WDR49: variants seen among roughly 807,000 people sequenced by gnomAD.
The protein encoded by WDR49 is cilia- and flagella-associated protein 337.
WDR49 carries 107 observed loss-of-function variants against 119.5 expected under a neutral mutation model. The ratio of observed to expected loss-of-function variants is 0.90; its 90% CI spans 0.77 to 1.05. The LOEUF (loss-of-function observed/expected upper bound fraction) is 1.05, where lower values mean the gene tolerates loss of function less well. Among genes scored for constraint, WDR49 ranks in the 50% least tolerant of loss-of-function variants. The pLI is 0.00. For missense variants in WDR49, 1,240 were observed against 1,220.5 expected (o/e 1.02, Z -0.24); for synonymous variants, 425 against 418.8 (o/e 1.01, Z -0.18).
In WDR49 at chr3:167,634,355, A is replaced by T. The variant is rs146165233; in HGVS notation, c.166-7063T>A. Among the ~76,000 whole-genome samples the T allele has an allele frequency of 2.1e-3, 323 of 152,086 alleles. 1 individual carries two copies. The highest frequency in any genetic ancestry group is 7.2e-3 in the African/African-American group (301 of 41,552). ...ACATCTATTTAACTGCTAAGAAAAT[A>T]ACCAGTTATTAAATTGTCTACAATT... On this transcript the variant is annotated intron_variant, in intron 2 of 18. Transcript: ENST00000682715.
chr3:167,571,472 A>C (rs1225804351), intron 8 of WDR49, among the ~76,000 whole-genome samples: 2 of 152,208 alleles, frequency 1.3e-5, no homozygotes, highest in Non-Finnish European at 2.9e-5. Flanking sequence ...CCTTGAAGAG[A>C]TATAGTCATA....
rs540594954 is a variant in WDR49 at position 167,587,101 on chromosome 3, T to C, written c.1276-10950A>G. 3.3e-5 allele frequency among the ~76,000 whole-genome samples: 5 copies of C among 152,304 alleles called. No individual in the cohort carries two copies. In the East Asian group the frequency reaches 9.7e-4, roughly 29 times the overall value. Reference sequence around the variant, plus strand: ...GTTGATAGTTATACTGTTTCATATATTATATTTAACATGTATTTAATACAT... The same window carrying C: ...GTTGATAGTTATACTGTTTCATATACTATATTTAACATGTATTTAATACAT... On this transcript the variant is annotated intron_variant, in intron 7 of 18. Transcript: ENST00000682715.
rs1001853597 is a variant in WDR49 at position 167,575,868 on chromosome 3, C to T, written c.1509+50G>A. 5.1e-6 allele frequency: 8 copies of T among 1,572,926 alleles called. No homozygotes were observed. In the Admixed American group the frequency reaches 5.1e-5, roughly 10 times the overall value. ...TAAACTGAATTAAGTAAATGAGCCT[C>T]TGGACTTGGAGATATGTTAGGAGAG... On this transcript the variant is annotated intron_variant, in intron 8 of 18. Transcript: ENST00000682715.
chr3:167,632,872 C>A (rs1051613114), intron 2 of WDR49, among the ~76,000 whole-genome samples: 1 of 151,882 alleles, frequency 6.6e-6, no homozygotes. Context: ...AATTATGGCA[C>A]CTCTAAATAG....
intron 9 of WDR49, among the ~76,000 whole-genome samples, chr3:167,557,646 G>T (rs770109586): frequency 6.6e-6 from 1 of 151,808 alleles, no homozygotes; most frequent in Non-Finnish European, 1.5e-5. Context: ...CCAGCTACTC[G>T]GGAGGCTGAG....
chr3:167,631,605 T>A (rs1717377115), intron 2 of WDR49, among the ~76,000 whole-genome samples: 1 of 152,118 alleles, frequency 6.6e-6, no homozygotes, highest in Non-Finnish European at 1.5e-5. Context: ...GCTGTTTAGT[T>A]CAGTGAGATT....
rs1189995814 is a variant in WDR49 at position 167,478,736 on chromosome 3, A to G, written c.*142T>C. The G allele has an allele frequency of 4.0e-6, 2 of 496,728 alleles. No individual in the cohort carries two copies. Among genetic ancestry groups the G allele is most frequent in the African/African-American group, 4.0e-5 (2 of 49,754 alleles). The allele number at this position is 496,728 out of a possible 1,614,324, so 30.8% of individuals were successfully genotyped here. A position where few individuals can be genotyped will look rare whatever the true frequency, so the allele number is the denominator to read the frequency against. On this transcript the variant is annotated 3_prime_UTR_variant, in exon 19 of 19. Coordinates refer to ENST00000682715, the MANE Select transcript of WDR49 (RefSeq NM_001366157.1). The stretch of plus-strand genomic sequence containing the variant: ...ATACAGAGAAATTGACAGATGATAG[A>G]TAAAAGCAGTACTAAATTATCCCAT...
intron 2 of WDR49, among the ~76,000 whole-genome samples, chr3:167,644,379 A>T (rs1718023488): frequency 6.6e-6 from 1 of 152,042 alleles, no homozygotes; most frequent in South Asian, 2.1e-4. Flanking sequence ...GCCCCACTAC[A>T]ATCACAGTTC....
At chr3:167,592,437 CTTTT>C (rs372398450) in intron 7 of WDR49, among the ~76,000 whole-genome samples, 3 of 133,340 alleles carry the variant, frequency 2.2e-5, no homozygotes, top group Admixed American at 7.5e-5. Flanking sequence ...TTTTCTTTTT[CTTTT>C]TTTTTTTTTT....
At chr3:167,487,605 G>T (rs182330539) in intron 18 of WDR49, among the ~76,000 whole-genome samples, 1 of 152,122 alleles carries the variant, frequency 6.6e-6, no homozygotes, top group East Asian at 1.9e-4. Flanking sequence ...GTACAGAACG[G>T]GAGAAAATAT....
At chr3:167,499,192 C>G (rs1751468260) in intron 18 of WDR49, among the ~76,000 whole-genome samples, 1 of 152,110 alleles carries the variant, frequency 6.6e-6, no homozygotes, top group Admixed American at 6.5e-5. Flanking sequence ...ATTTCAACAA[C>G]AACAAAAATG....
chr3:167,612,144 C>G (rs1716369134), intron 5 of WDR49, among the ~76,000 whole-genome samples: 1 of 151,912 alleles, frequency 6.6e-6, no homozygotes. Context: ...TTTCTCTGAC[C>G]ACAATGAATA....
At chr3:167,625,669 G>A (rs182354296) in intron 3 of WDR49, among the ~76,000 whole-genome samples, 125 of 152,026 alleles carry the variant, frequency 8.2e-4, no homozygotes, top group Middle Eastern at 3.4e-3. Flanking sequence ...TAACATCTCA[G>A]GAAGAGGAAG....
chr3:167,627,850 C>T (rs1007930582), intron 2 of WDR49, among the ~76,000 whole-genome samples: 23 of 152,008 alleles, frequency 1.5e-4, no homozygotes, highest in African/African-American at 4.6e-4. Context: ...TGTACTTTGC[C>T]GATATTGTGA....
intron 2 of WDR49, among the ~76,000 whole-genome samples, chr3:167,636,357 GTA>G (rs112759418): frequency 6.6e-6 from 1 of 150,852 alleles, no homozygotes; most frequent in African/African-American, 2.4e-5. Flanking sequence ...GTATATACAT[GTA>G]TATATATATA....
intron 5 of WDR49, among the ~76,000 whole-genome samples, chr3:167,606,160 C>T (rs1456642101): frequency 1.3e-5 from 2 of 152,126 alleles, no homozygotes; most frequent in East Asian, 1.9e-4. Flanking sequence ...GCAAGTATTG[C>T]CATTATTTTA....
intron 7 of WDR49, among the ~76,000 whole-genome samples, chr3:167,597,530 C>T (rs1457244212): frequency 1.3e-5 from 2 of 152,118 alleles, no homozygotes; most frequent in Admixed American, 1.3e-4. Flanking sequence ...TCTCTAGACT[C>T]CAGAAGGGTG....
At chr3:167,537,748 C>T (rs1376157016) in intron 10 of WDR49, among the ~76,000 whole-genome samples, 1 of 152,100 alleles carries the variant, frequency 6.6e-6, no homozygotes, top group East Asian at 1.9e-4. Context: ...ACCCTGTTTT[C>T]ACTTGATGAT....
chr3:167,614,095 T>G (rs553031518), intron 5 of WDR49, among the ~76,000 whole-genome samples: 1 of 152,048 alleles, frequency 6.6e-6, no homozygotes, highest in South Asian at 2.1e-4. Flanking sequence ...TTCTTTCTTG[T>G]CCCCCCTCCT....
Sources: gnomAD v4.1 joint callset for allele counts (sites outside exome capture counted in the v4.1 genomes callset) on GRCh38, gnomAD v4.1.1 for gene constraint, MANE v1.5 for transcripts, NCBI Gene and HGNC (gene_info 2026-07-23, HGNC 2026-07-21) for gene names.